Variants in YAE1 observed in about 807,000 individuals in gnomAD.
The protein encoded by YAE1 is YAE1 maturation factor of ABCE1.
In YAE1, 22 loss-of-function variants were observed where a neutral mutation model predicts 23.0. The observed-to-expected ratio is 0.96, with a 90% CI of 0.68 to 1.37. YAE1 has a LOEUF of 1.37. Ranked by LOEUF, YAE1 falls within the 40% of genes most tolerant of loss-of-function variation. The pLI is 0.00. For missense variants in YAE1, 260 were observed against 262.1 expected, an observed-to-expected ratio of 0.99 and a Z score of 0.06; for synonymous variants, 101 against 97.0, an observed-to-expected ratio of 1.04 and a Z score of -0.24.
intron 2 of YAE1, among the ~76,000 whole-genome samples, chr7:39,607,512 CT>C (rs1390303686): frequency 3.3e-5 from 5 of 152,186 alleles, no homozygotes; most frequent in Admixed American, 6.5e-5. Context: ...AGGCTACACC[CT>C]GCTCACACTG....
intron 2 of YAE1, among the ~76,000 whole-genome samples, chr7:39,587,809 G>A (rs1185909263): frequency 8.6e-6 from 1 of 116,558 alleles, no homozygotes; most frequent in African/African-American, 2.9e-5. Flanking sequence ...TAAACTTCAA[G>A]GCAGTACAGG....
intron 2 of YAE1, among the ~76,000 whole-genome samples, chr7:39,594,276 T>C (rs573510480): frequency 2.8e-4 from 43 of 152,316 alleles, no homozygotes; most frequent in African/African-American, 9.9e-4. Flanking sequence ...CTTTCTCCTT[T>C]CTAGAATCTT....
At chr7:39,611,710 A>G (rs1343087588), downstream of YAE1, among the ~76,000 whole-genome samples, 1 of 152,222 alleles carries the variant, frequency 6.6e-6, no homozygotes, top group African/African-American at 2.4e-5. Flanking sequence ...AGTTAAGTAT[A>G]CATTTATTTT....
chr7:39,586,363 G>C (rs1300170801), intron 2 of YAE1, among the ~76,000 whole-genome samples: 4 of 149,990 alleles, frequency 2.7e-5, no homozygotes, highest in Non-Finnish European at 5.9e-5. Flanking sequence ...TAATAGAGAC[G>C]GGGTTTCACC....
At chr7:39,587,937 T>C (rs1355335559) in intron 2 of YAE1, among the ~76,000 whole-genome samples, 1 of 152,232 alleles carries the variant, frequency 6.6e-6, no homozygotes, top group African/African-American at 2.4e-5. Flanking sequence ...TACTACTTTT[T>C]AGTTTTTTAA....
At chr7:39,586,597 A>G (rs1192291475) in intron 2 of YAE1, among the ~76,000 whole-genome samples, 1 of 149,692 alleles carries the variant, frequency 6.7e-6, no homozygotes, top group Non-Finnish European at 1.5e-5. Context: ...TCCCAGGTTG[A>G]TGCCATTCTC....
downstream of YAE1, among the ~76,000 whole-genome samples, chr7:39,577,622 C>T (rs565947499): frequency 1.5e-3 from 232 of 152,356 alleles, 1 homozygote; most frequent in African/African-American, 5.1e-3. Flanking sequence ...CTCGCCAGGC[C>T]TCAGCTGCCT....
chr7:39,578,363 G>C (rs1007411619), intron 2 of YAE1, among the ~76,000 whole-genome samples: 1 of 152,196 alleles, frequency 6.6e-6, no homozygotes, highest in Non-Finnish European at 1.5e-5. Context: ...GCCAGATAAG[G>C]GAATAAAAGC....
At chr7:39,574,534 A>T (rs1377405653), downstream of YAE1, among the ~76,000 whole-genome samples, 1 of 152,052 alleles carries the variant, frequency 6.6e-6, no homozygotes, top group Non-Finnish European at 1.5e-5. Context: ...GGAGTTCAAG[A>T]CCAGCCTGGG....
chr7:39,601,772 A>C (rs1583684501), intron 2 of YAE1, among the ~76,000 whole-genome samples: 1 of 152,038 alleles, frequency 6.6e-6, no homozygotes, highest in African/African-American at 2.4e-5. Context: ...AAAAAAAAAA[A>C]AAAACTATAA....
chr7:39,606,170 AT>A (rs899919200), intron 2 of YAE1, among the ~76,000 whole-genome samples: 1 of 151,974 alleles, frequency 6.6e-6, no homozygotes, highest in Admixed American at 6.6e-5. Context: ...TTCTAGCTGT[AT>A]TTTTTGTGCT....
chr7:39,595,642 CTG>C (rs1298615529), intron 2 of YAE1, among the ~76,000 whole-genome samples: 1 of 152,198 alleles, frequency 6.6e-6, no homozygotes, highest in Non-Finnish European at 1.5e-5. Context: ...ATAAAGAGCT[CTG>C]TAAACAACTC....
At position 39,566,546 on chromosome 7, in the gene YAE1, A is replaced by G. The variant is rs1303374115; in HGVS notation, c.128A>G (p.Lys43Arg). ...EWQSNMQRRV[K>R]EGYRDGIDAG... is the part of the protein sequence containing the mutation. ...CAGAGTAACATGCAAAGACGAGTCA[A>G]AGTAAACGTGGTGTGGACGGCGCGG... The change falls in exon 1 of 3, where the codon AAA (lysine) becomes AGA (arginine). Residue 43 changes from lysine (K) to arginine (R), a missense_variant and splice_region_variant. Coordinates refer to ENST00000223273, the MANE Select transcript of YAE1 (RefSeq NM_020192.5). The G allele has an allele frequency of 1.2e-6, 2 of 1,613,860 alleles. No individual in the cohort carries two copies. The highest frequency in any genetic ancestry group is 1.7e-5 in the Admixed American group (1 of 60,012).
At chr7:39,570,091 G>C in intron 1 of YAE1, 1 of 1,123,056 alleles carries the variant, frequency 8.9e-7, no homozygotes, top group South Asian at 1.3e-5. Flanking sequence ...TCCAGTTCTT[G>C]TCTGTGATGA....
chr7:39,601,770 A>C (rs1424843914), intron 2 of YAE1, among the ~76,000 whole-genome samples: 1 of 152,078 alleles, frequency 6.6e-6, no homozygotes, highest in Non-Finnish European at 1.5e-5. Context: ...AAAAAAAAAA[A>C]AAAAAACTAT....
At chr7:39,593,714 GC>G (rs1284459996) in intron 2 of YAE1, among the ~76,000 whole-genome samples, 4 of 149,206 alleles carry the variant, frequency 2.7e-5, no homozygotes, top group African/African-American at 9.7e-5. Flanking sequence ...CACCCCAGCC[GC>G]CCAAAATACT....
chr7:39,566,892 C>T (rs540067201), intron 1 of YAE1: 7 of 202,852 alleles, frequency 3.5e-5, no homozygotes, highest in Admixed American at 2.6e-4. Flanking sequence ...AGGACGTGTA[C>T]GCAGTTTATA....
intron 2 of YAE1, among the ~76,000 whole-genome samples, chr7:39,608,755 T>G (rs962537638): frequency 6.6e-6 from 1 of 152,270 alleles, no homozygotes; most frequent in African/African-American, 2.4e-5. Flanking sequence ...CAGTAACTAC[T>G]GATAAGGGAT....
chr7:39,567,070 A>G (rs1332387395), intron 1 of YAE1: 1 of 152,488 alleles, frequency 6.6e-6, no homozygotes, highest in East Asian at 1.9e-4. Flanking sequence ...TTTATTTGTT[A>G]GATGTAACTT....
Sources: gnomAD v4.1 joint callset for allele counts (sites outside exome capture counted in the v4.1 genomes callset) on GRCh38, gnomAD v4.1.1 for gene constraint, MANE v1.5 for transcripts, NCBI Gene and HGNC (gene_info 2026-07-23, HGNC 2026-07-21) for gene names.